Variants in CTNNA2 observed in about 807,000 individuals in gnomAD.
CTNNA2 encodes the protein catenin alpha 2.
In CTNNA2, 42 loss-of-function variants were observed where a neutral mutation model predicts 101.0. The ratio of observed to expected loss-of-function variants is 0.42; its 90% CI spans 0.32 to 0.54. CTNNA2 has a LOEUF of 0.54. Ranked by LOEUF, CTNNA2 falls within the 20% of genes least tolerant of loss-of-function variation. CTNNA2 has a pLI of 0.14. For synonymous variants in CTNNA2, 450 were observed against 456.4 expected (o/e 0.99, Z 0.18); for missense variants, 871 against 1,223.1 (o/e 0.71, Z 4.29).
At chr2:80,138,687 C>T (rs1702830368) in intron 7 of CTNNA2, among the ~76,000 whole-genome samples, 1 of 152,096 alleles carries the variant, frequency 6.6e-6, no homozygotes, top group Non-Finnish European at 1.5e-5. Context: ...ATCCTGGGAC[C>T]ATCTGCATGG....
intron 9 of CTNNA2, among the ~76,000 whole-genome samples, chr2:80,487,365 ACTG>A (rs1329979720): frequency 1.3e-5 from 2 of 152,258 alleles, no homozygotes; most frequent in East Asian, 3.9e-4. Flanking sequence ...GCTATAAAGA[ACTG>A]CTGAAGACTG....
At chr2:79,471,874 T>C (rs1056693714) in intron 4 of CTNNA2, among the ~76,000 whole-genome samples, 4 of 152,034 alleles carry the variant, frequency 2.6e-5, no homozygotes, top group African/African-American at 9.7e-5. Flanking sequence ...ATATCAGTTG[T>C]GGGGAGGCAC....
intron 3 of CTNNA2, among the ~76,000 whole-genome samples, chr2:79,850,766 T>A (rs1478989257): frequency 6.6e-6 from 1 of 152,200 alleles, no homozygotes; most frequent in Non-Finnish European, 1.5e-5. Context: ...ACTTCCTTCA[T>A]CAGATTCTCT....
intron 13 of CTNNA2, among the ~76,000 whole-genome samples, chr2:80,581,231 A>G (rs1695512388): frequency 6.6e-6 from 1 of 152,172 alleles, no homozygotes; most frequent in Non-Finnish European, 1.5e-5. Flanking sequence ...TCTTGACTCT[A>G]GAGCCTGTGC....
chr2:80,261,765 A>G (rs935707653), intron 7 of CTNNA2, among the ~76,000 whole-genome samples: 3 of 152,322 alleles, frequency 2.0e-5, no homozygotes, highest in African/African-American at 7.2e-5. Flanking sequence ...CAAAGGCAAT[A>G]GAGGTTGATG....
At chr2:80,052,680 G>GTAC (rs1696951660) in intron 7 of CTNNA2, among the ~76,000 whole-genome samples, 1 of 152,214 alleles carries the variant, frequency 6.6e-6, no homozygotes, top group African/African-American at 2.4e-5. Context: ...AGTAACTGAA[G>GTAC]TAGTGTAACT....
chr2:79,587,790 C>A (rs1412363523), intron 1 of CTNNA2, among the ~76,000 whole-genome samples: 2 of 152,108 alleles, frequency 1.3e-5, no homozygotes, highest in East Asian at 3.9e-4. Flanking sequence ...CTCTCTAAAC[C>A]CAGCTCAAAC....
intron 15 of CTNNA2, among the ~76,000 whole-genome samples, chr2:80,597,920 A>T (rs1328869470): frequency 6.6e-6 from 1 of 152,200 alleles, no homozygotes; most frequent in Non-Finnish European, 1.5e-5. Flanking sequence ...GTGATTACTC[A>T]AAGATCTAGA....
intron 15 of CTNNA2, among the ~76,000 whole-genome samples, chr2:80,590,363 T>C (rs1291276703): frequency 6.6e-6 from 1 of 152,202 alleles, no homozygotes; most frequent in Non-Finnish European, 1.5e-5. Flanking sequence ...AAGAGAGTTT[T>C]AAAATCCAAA....
chr2:79,866,539 A>G (rs957815773), intron 4 of CTNNA2: 4 of 152,100 alleles, frequency 2.6e-5, no homozygotes, highest in African/African-American at 9.7e-5. Flanking sequence ...CCTCCCCCTT[A>G]TCAAAGGGCT....
At chr2:79,443,551 TG>T (rs1283208509) in intron 4 of CTNNA2, among the ~76,000 whole-genome samples, 1 of 152,144 alleles carries the variant, frequency 6.6e-6, no homozygotes, top group Non-Finnish European at 1.5e-5. Context: ...ACTAGTTGTC[TG>T]GGCATCCCTT....
chr2:79,870,977 T>A (rs1388139446), intron 5 of CTNNA2, among the ~76,000 whole-genome samples: 1 of 152,200 alleles, frequency 6.6e-6, no homozygotes, highest in Non-Finnish European at 1.5e-5. Flanking sequence ...GATTTCTCAG[T>A]TTCAGCTAAC....
At chr2:80,100,179 C>T (rs1232046798) in intron 7 of CTNNA2, among the ~76,000 whole-genome samples, 1 of 152,108 alleles carries the variant, frequency 6.6e-6, no homozygotes, top group Non-Finnish European at 1.5e-5. Flanking sequence ...GGTGATCCAC[C>T]CGCCTTAGCC....
intron 1 of CTNNA2, among the ~76,000 whole-genome samples, chr2:79,619,050 A>G (rs576336403): frequency 6.6e-6 from 1 of 152,204 alleles, no homozygotes; most frequent in East Asian, 1.9e-4. Context: ...TCCAAAAAAT[A>G]CGAAAATTAG....
At chr2:80,098,482 G>A (rs1029174977) in intron 7 of CTNNA2, among the ~76,000 whole-genome samples, 6 of 152,200 alleles carry the variant, frequency 3.9e-5, no homozygotes, top group South Asian at 2.1e-4. Context: ...CAGTATCCCC[G>A]TTCTCGGATC....
chr2:79,589,924 T>G (rs1676738501), intron 1 of CTNNA2, among the ~76,000 whole-genome samples: 1 of 152,170 alleles, frequency 6.6e-6, no homozygotes, highest in Admixed American at 6.5e-5. Flanking sequence ...AAGCAAAGCT[T>G]GGAGCTCCCT....
chr2:79,414,210 G>A (rs944744155), intron 4 of CTNNA2, among the ~76,000 whole-genome samples: 8 of 151,794 alleles, frequency 5.3e-5, no homozygotes, highest in South Asian at 2.1e-4. Flanking sequence ...AAAATTGAGG[G>A]CAACAACTAG....
intron 9 of CTNNA2, among the ~76,000 whole-genome samples, chr2:80,514,736 CTCTCTCCAGTCAAGCCGCT>C (rs1688973450): frequency 6.6e-6 from 1 of 152,100 alleles, no homozygotes; most frequent in Non-Finnish European, 1.5e-5. Context: ...GTCAAGTCAC[CTCTCTCCAGTCAAGCCGCT>C]TCTGTCTCCC....
Position 79,894,928 on chromosome 2 carries a change from A to G in CTNNA2, c.853-14666A>G, listed in dbSNP as rs74764544. ...AATATATTAACTGTTTGATCTTAGT[A>G]GCTATCAGTTTATCCATCCTAACTT... is the stretch of plus-strand genomic sequence containing the variant. On this transcript the variant is annotated intron_variant, in intron 6 of 18. Coordinates refer to ENST00000402739, the MANE Select transcript of CTNNA2 (RefSeq NM_001282597.3). 2.6e-4 allele frequency among the ~76,000 whole-genome samples: 39 copies of G among 152,324 alleles called. No homozygotes were observed. The East Asian group carries it at 7.3e-3, about 29-fold the overall frequency.
Sources: gnomAD v4.1 joint callset for allele counts (sites outside exome capture counted in the v4.1 genomes callset) on GRCh38, gnomAD v4.1.1 for gene constraint, MANE v1.5 for transcripts, NCBI Gene and HGNC (gene_info 2026-07-23, HGNC 2026-07-21) for gene names.